Variants in TLE7 observed in about 807,000 individuals in gnomAD.
TLE7 encodes TLE family member 7.
At chr16:71,439,697 G>A (rs2042839916) in intron 1 of TLE7, among the ~76,000 whole-genome samples, 1 of 152,208 alleles carries the variant, frequency 6.6e-6, no homozygotes, top group Admixed American at 6.5e-5. Flanking sequence ...GGATGGCTAT[G>A]ACAGCCACCA....
chr16:71,438,778 C>A (rs942862206), intron 1 of TLE7, among the ~76,000 whole-genome samples: 1 of 151,574 alleles, frequency 6.6e-6, no homozygotes, highest in Non-Finnish European at 1.5e-5. Flanking sequence ...AAGTTAAAGG[C>A]AATTGGTGCT....
chr16:71,433,569 C>A, intron 1 of TLE7, 149 bp from the exon 2 acceptor site: 2 of 380,650 alleles, frequency 5.3e-6, no homozygotes, highest in Non-Finnish European at 9.3e-6. Flanking sequence ...GCAATGATGT[C>A]AAGGGTGAAA....
intron 9 of TLE7, 143 bp from the exon 10 acceptor site, chr16:71,430,509 A>T (rs759752663): frequency 5.0e-6 from 2 of 397,848 alleles, no homozygotes; most frequent in Non-Finnish European, 8.8e-6. Flanking sequence ...GTGACTTGGG[A>T]GTTCATAGGA....
intron 1 of TLE7, among the ~76,000 whole-genome samples, chr16:71,438,174 C>T (rs1004037048): frequency 6.6e-6 from 1 of 152,000 alleles, no homozygotes; most frequent in Non-Finnish European, 1.5e-5. Context: ...GGTTCACAGC[C>T]GTAATCCCAG....
rs2042810634 is a variant in TLE7, at chr16:71,432,621, T to C, written c.393+44A>G. The stretch of plus-strand genomic sequence containing the variant: ...GGACACATGGTTTCTTGATTGGGGG[T>C]AGGTGGGAAAGGAAGGATCCTGAGT... On this transcript the variant is annotated intron_variant, in intron 4 of 9. Coordinates refer to ENST00000561754, the MANE Select transcript of TLE7 (RefSeq NM_001367365.2). 7.5e-6 allele frequency: 3 copies of C among 398,582 alleles called. No individual in the cohort carries two copies. The South Asian group carries it at 3.8e-4, about 51-fold the overall frequency. 24.7% of individuals were successfully genotyped at this position (398,582 alleles called of 1,614,324 possible).
chr16:71,438,154 C>T (rs780439143), intron 1 of TLE7, among the ~76,000 whole-genome samples: 24 of 152,004 alleles, frequency 1.6e-4, no homozygotes, highest in African/African-American at 2.4e-4. Context: ...AAGGAGTGGC[C>T]GGACACAGTG....
chr16:71,437,115 G>A (rs1315954604), intron 1 of TLE7, among the ~76,000 whole-genome samples: 1 of 152,146 alleles, frequency 6.6e-6, no homozygotes, highest in East Asian at 1.9e-4. Flanking sequence ...TTGGGAAGCC[G>A]AGGCAGGTGG....
Position 71,430,733 on chromosome 16 carries a change from A to G in TLE7, c.1156T>C (p.Phe386Leu). Reference protein sequence around the residue: ...SLKFASCGSYFVTAIDTRLSG... With the variant: ...SLKFASCGSYLVTAIDTRLSG... Reference sequence around the variant, plus strand: ...AGGCGCGTATCTATCGCGGTCACAAAATAGCTCCCTGGTGAAGGAACGAAC... The same window carrying G: ...AGGCGCGTATCTATCGCGGTCACAAGATAGCTCCCTGGTGAAGGAACGAAC... The change falls in exon 9 of 10, where the codon TTT becomes CTT. Residue 386 changes from phenylalanine to leucine, a missense_variant. Physicochemically the swap from Phe to Leu is conservative, Grantham distance 22. Transcript: ENST00000561754. 1 of 398,600 alleles carries G rather than the reference A, an allele frequency of 2.5e-6. No homozygotes were observed. Among genetic ancestry groups the G allele is most frequent in the Non-Finnish European group, 4.4e-6 (1 of 226,094 alleles). The allele number at this position is 398,600 out of a possible 1,614,324, so 24.7% of individuals were successfully genotyped here. A position where few individuals can be genotyped will look rare whatever the true frequency, so the allele number is the denominator to read the frequency against.
chr16:71,435,776 T>G (rs1340273062), intron 1 of TLE7, among the ~76,000 whole-genome samples: 2 of 152,234 alleles, frequency 1.3e-5, no homozygotes, highest in African/African-American at 4.8e-5. Flanking sequence ...GATTCTTAGT[T>G]GTTTAAATAA....
At chr16:71,434,327 G>A (rs987591834) in intron 1 of TLE7, among the ~76,000 whole-genome samples, 2 of 152,202 alleles carry the variant, frequency 1.3e-5, no homozygotes, top group African/African-American at 4.8e-5. Context: ...GAGGATTTAA[G>A]TAGACCAAAT....
In TLE7 at chr16:71,433,099, GCCACT is replaced by G. The variant is rs907382610; in HGVS notation, c.221_225del (p.Gln74ProfsTer7). 2 of 398,724 alleles carry G rather than the reference GCCACT, an allele frequency of 5.0e-6. No homozygotes were observed. Among genetic ancestry groups the G allele is most frequent in the African/African-American group, 4.1e-5 (2 of 48,638 alleles). 24.7% of individuals were successfully genotyped at this position (398,724 alleles called of 1,614,324 possible). On this transcript the variant is annotated frameshift_variant, in exon 2 of 10. Transcript: ENST00000561754. LOFTEE classifies it high-confidence loss of function. ...TCAGATCTACCCAGGCCCTGGAGGT[GCCACT>G]GCTGCTGGGTCACCGTGCTTGTCTC...
At position 71,432,118 on chromosome 16, in the gene TLE7, C is replaced by T. The variant is rs2042806851; in HGVS notation, c.601G>A (p.Asp201Asn). The stretch of plus-strand genomic sequence containing the variant: ...CTTTGGATCTCCCTCACCTGCAAGT[C>T]CAGCTGGGCCCGAGGGGCCTTCTCC... ...AGEKAPRAQL[D>N]LQHPQDRVVT... Residue 201 changes from aspartate (D) to asparagine (N), a missense_variant, in exon 5 of 10, where the codon GAC becomes AAC. Physicochemically the swap from Asp to Asn is conservative, Grantham distance 23. Coordinates refer to ENST00000561754, the MANE Select transcript of TLE7 (RefSeq NM_001367365.2). 1.0e-5 allele frequency: 4 copies of T among 401,036 alleles called. No homozygotes were observed. The East Asian group carries it at 1.1e-4, about 11-fold the overall frequency. The allele number at this position is 401,036 out of a possible 1,614,324, so 24.8% of individuals were successfully genotyped here.
chr16:71,432,729 G>T lies in TLE7; in HGVS notation c.335-6C>A. On this transcript the variant is annotated splice_region_variant and splice_polypyrimidine_tract_variant and intron_variant, in intron 3 of 9. Transcript: ENST00000561754. ...GGAAGAAGAGTAAGGCTGGCCTGCA[G>T]GGAAAGAGCAATGCCCACCTGCTCA... 2.5e-6 allele frequency: 1 copy of T among 398,736 alleles called. No individual in the cohort carries two copies. The highest frequency in any genetic ancestry group is 4.4e-6 in the Non-Finnish European group (1 of 226,144). The allele number at this position is 398,736 out of a possible 1,614,324, so 24.7% of individuals were successfully genotyped here.
chr16:71,436,950 A>G (rs1194715679), intron 1 of TLE7, among the ~76,000 whole-genome samples: 1 of 152,224 alleles, frequency 6.6e-6, no homozygotes, highest in East Asian at 1.9e-4. Context: ...GGCTGGGCAC[A>G]GTGGCTCACA....
chr16:71,440,531 A>C (rs1178940995), intron 1 of TLE7, among the ~76,000 whole-genome samples: 2 of 152,218 alleles, frequency 1.3e-5, no homozygotes, highest in Non-Finnish European at 1.5e-5. Context: ...TGTATTTTAC[A>C]AGAAAGACCC....
In TLE7 at chr16:71,431,281, G is replaced by A. The variant is rs2042802292; in HGVS notation, c.994-7C>T. ...CGTGGGTAATGCTGAGGATCTGTTCGTGGAAGCAGGTTTGAGGTCAGCACT... is the reference window on the plus strand; with the variant it reads ...CGTGGGTAATGCTGAGGATCTGTTCATGGAAGCAGGTTTGAGGTCAGCACT... On this transcript the variant is annotated splice_polypyrimidine_tract_variant and splice_region_variant and intron_variant, in intron 7 of 9. Transcript: ENST00000561754. This position sits in a 1 kb window ranked among gnomAD's most constrained non-coding sequence, Gnocchi z 4.5. The A allele has an allele frequency of 2.5e-6, 1 of 399,498 alleles. No individual in the cohort carries two copies. The highest frequency in any genetic ancestry group is 4.4e-6 in the Non-Finnish European group (1 of 226,246). 24.7% of individuals were successfully genotyped at this position (399,498 alleles called of 1,614,324 possible). A position where few individuals can be genotyped will look rare whatever the true frequency, so the allele number is the denominator to read the frequency against.
chr16:71,432,128 C>A lies in TLE7; in HGVS notation c.591G>T (p.Arg197=), dbSNP rs1215640452. Residue 197 remains arginine, a synonymous_variant, in exon 5 of 10, where the codon CGG becomes CGT. Transcript: ENST00000561754. Reference sequence around the variant, plus strand: ...CCCTCACCTGCAAGTCCAGCTGGGCCCGAGGGGCCTTCTCCCCCGCATGCA... The same window carrying A: ...CCCTCACCTGCAAGTCCAGCTGGGCACGAGGGGCCTTCTCCCCCGCATGCA... ...SALHAGEKAP[R]AQLDLQHPQD... 1 of 400,954 alleles carries A rather than the reference C, an allele frequency of 2.5e-6. No homozygotes were observed. The highest frequency in any genetic ancestry group is 4.4e-6 in the Non-Finnish European group (1 of 226,480). The allele number at this position is 400,954 out of a possible 1,614,324, so 24.8% of individuals were successfully genotyped here.
chr16:71,430,232 C>A lies in TLE7; in HGVS notation c.*30G>T. 2.5e-6 allele frequency: 1 copy of A among 398,626 alleles called. No homozygotes were observed. The highest frequency in any genetic ancestry group is 1.3e-4 in the South Asian group (1 of 7,838). The allele number at this position is 398,626 out of a possible 1,614,324, so 24.7% of individuals were successfully genotyped here. ...AGCCACACCAGCCCAAAGACTGGGT[C>A]TTCACTGGCAGGACCATGGCATGCC... is the stretch of plus-strand genomic sequence containing the variant. On this transcript the variant is annotated 3_prime_UTR_variant, in exon 10 of 10. Transcript: ENST00000561754.
At chr16:71,437,893 A>G (rs961471867) in intron 1 of TLE7, among the ~76,000 whole-genome samples, 1 of 151,940 alleles carries the variant, frequency 6.6e-6, no homozygotes, top group African/African-American at 2.4e-5. Flanking sequence ...CCTCACTTAC[A>G]CACCCCTTGT....
Sources: gnomAD v4.1 joint callset for allele counts (sites outside exome capture counted in the v4.1 genomes callset) on GRCh38, gnomAD v4.1.1 for gene constraint, Gnocchi (gnomAD v3.1) non-coding constraint, MANE v1.5 for transcripts, NCBI Gene and HGNC (gene_info 2026-07-23, HGNC 2026-07-21) for gene names.